The following WDR90 variants were observed in gnomAD, a reference collection of about 807,000 sequenced individuals.
The protein encoded by WDR90 is WD repeat-containing protein 90.
A neutral mutation model predicts 195.2 loss-of-function variants in WDR90; 238 were observed. The observed-to-expected ratio is 1.22, with a 90% CI of 1.10 to 1.36. WDR90 has a LOEUF of 1.36. Ranked by LOEUF, WDR90 falls within the 40% of genes most tolerant of loss-of-function variation. The pLI is 0.00. For synonymous variants in WDR90, 1,265 were observed against 1,052.4 expected, an observed-to-expected ratio of 1.20 and a Z score of -3.91; for missense variants, 2,734 against 2,439.5, an observed-to-expected ratio of 1.12 and a Z score of -2.54.
At chr16:663,005 G>T (rs748626085) in intron 34 of WDR90, 161 bp downstream of exon 34, 8 of 1,127,044 alleles carry the variant, frequency 7.1e-6, no homozygotes, top group African/African-American at 1.5e-5. Context: ...GGGTGTGCAC[G>T]TCCCCTCAAA....
In WDR90 at chr16:652,127, T is replaced by G. The variant is rs1475322574; in HGVS notation, c.1053+88T>G. On this transcript the variant is annotated intron_variant, in intron 9 of 40. Transcript: ENST00000293879. ...CGCCCCGAGATGCATTCAGAACGGA[T>G]GTGCCTCCAACGGTCTCCTCTTGTT... The G allele has an allele frequency of 3.5e-6, 5 of 1,419,496 alleles. No individual in the cohort carries two copies. In the Admixed American group the frequency reaches 8.1e-5, roughly 23 times the overall value. The allele number at this position is 1,419,496 out of a possible 1,614,324, so 87.9% of individuals were successfully genotyped here.
chr16:651,593 G>T (rs1211118895), intron 7 of WDR90, 51 bp from the exon 8 acceptor site: 5 of 1,569,038 alleles, frequency 3.2e-6, no homozygotes, highest in Non-Finnish European at 4.4e-6. Context: ...CCCTCACCAG[G>T]CATCTGCACA....
intron 15 of WDR90, 23 bp downstream of exon 15, chr16:655,491 G>A (rs749802825): frequency 7.8e-6 from 12 of 1,528,688 alleles, no homozygotes; most frequent in African/African-American, 2.7e-5. Flanking sequence ...CCTTCCCCAC[G>A]GCCTGCCCCG....
rs1283854566 is a variant in WDR90 at position 656,823 on chromosome 16, C to T, written c.2294C>T (p.Ala765Val). Residue 765 changes from alanine (A) to valine (V), a missense_variant, in exon 19 of 41, where the codon GCC (alanine) becomes GTC (valine). Ala to Val is a moderately conservative substitution (Grantham distance 64, BLOSUM62 0). Coordinates refer to ENST00000293879, the MANE Select transcript of WDR90 (RefSeq NM_145294.5). The stretch of plus-strand genomic sequence containing the variant: ...TTTTTCTGTGGCTTTAGCAGTGGGG[C>T]CGTGCGCTCCTTCAGCCTGGAGGCC... ...PTFFCGFSSG[A>V]VRSFSLEAAE... is the part of the protein sequence containing the mutation. 1 of 1,612,912 alleles carries T rather than the reference C, an allele frequency of 6.2e-7. No homozygotes were observed. The highest frequency in any genetic ancestry group is 8.5e-7 in the Non-Finnish European group (1 of 1,179,970).
intron 27 of WDR90, 45 bp downstream of exon 27, chr16:660,206 A>G: frequency 7.6e-6 from 11 of 1,450,086 alleles, no homozygotes; most frequent in Non-Finnish European, 9.2e-6. Context: ...CAGCAAGCAC[A>G]GAGGCCCCCC....
chr16:651,775 G>A lies in WDR90; in HGVS notation c.840+28G>A, dbSNP rs749675556. ...GAGTACCCCCTTCGCCCTATGAGAT[G>A]GGGTTGGGGTGTGATGGCCCAGGAC... On this transcript the variant is annotated intron_variant, in intron 8 of 40. Transcript: ENST00000293879. The A allele has an allele frequency of 3.1e-6, 5 of 1,612,740 alleles. No individual in the cohort carries two copies. In the Middle Eastern group the frequency reaches 8.3e-4, roughly 266 times the overall value.
chr16:652,085 T>A lies in WDR90; in HGVS notation c.1053+46T>A, dbSNP rs755813647. ...AGGCGGGGCCTGGTGAGGTGTGGGC[T>A]GGGGCAGCTGGTAGCCCGCCCCGAG... On this transcript the variant is annotated intron_variant, in intron 9 of 40. Coordinates refer to ENST00000293879, the MANE Select transcript of WDR90 (RefSeq NM_145294.5). 12 of 1,535,504 alleles carry A rather than the reference T, an allele frequency of 7.8e-6. No homozygotes were observed. The South Asian group carries it at 1.2e-4, about 15-fold the overall frequency.
chr16:666,824 C>G, intron 39 of WDR90, 32 bp downstream of exon 39: 1 of 1,612,576 alleles, frequency 6.2e-7, no homozygotes, highest in Non-Finnish European at 8.5e-7. Flanking sequence ...TCACTGGGAG[C>G]CCCAGGGATC....
In WDR90 at chr16:651,234, C is replaced by T. The variant is rs773808845; in HGVS notation, c.704C>T (p.Pro235Leu). 61 of 1,613,160 alleles carry T rather than the reference C, an allele frequency of 3.8e-5. No homozygotes were observed. The Middle Eastern group carries it at 4.6e-3, about 122-fold the overall frequency. The change falls in exon 7 of 41, where the codon CCG (proline) becomes CTG (leucine). Residue 235 changes from proline to leucine, a missense_variant. Physicochemically the swap from Pro to Leu is moderately conservative, Grantham distance 98 (BLOSUM62 -3). Transcript: ENST00000293879. ...PSESLKVPSK[P>L]IEKSCSPPEA... ...GAGAGCTTGAAAGTGCCTTCCAAGC[C>T]GATTGAGAAGAGCTGTTCCCCTCCT...
chr16:662,590 A>G lies in WDR90; in HGVS notation c.4146-89A>G. The G allele has an allele frequency of 5.4e-6, 8 of 1,484,254 alleles. No individual in the cohort carries two copies. In the South Asian group the frequency reaches 9.5e-5, roughly 18 times the overall value. 91.9% of individuals were successfully genotyped at this position (1,484,254 alleles called of 1,614,324 possible). The stretch of plus-strand genomic sequence containing the variant: ...AGCCAGGTCCTGAGATGCAATGCTG[A>G]GGGCCCTGCCTCGGCTGGGGACCCA... On this transcript the variant is annotated intron_variant, in intron 33 of 40. Coordinates refer to ENST00000293879, the MANE Select transcript of WDR90 (RefSeq NM_145294.5).
At chr16:657,931 C>A in intron 21 of WDR90, 39 bp downstream of exon 21, 1 of 1,509,798 alleles carries the variant, frequency 6.6e-7, no homozygotes, top group Non-Finnish European at 8.9e-7. Context: ...GAGACTGGGC[C>A]ATGAGAGGCT....
At position 653,616 on chromosome 16, in the gene WDR90, C is replaced by T. The variant is rs755409506; in HGVS notation, c.1325C>T (p.Thr442Ile). 1 of 1,613,526 alleles carries T rather than the reference C, an allele frequency of 6.2e-7. No individual in the cohort carries two copies. The highest frequency in any genetic ancestry group is 1.1e-5 in the South Asian group (1 of 91,090). Residue 442 changes from threonine to isoleucine, a missense_variant, in exon 12 of 41, where the codon ACC becomes ATC. Thr to Ile is a moderately conservative substitution (Grantham distance 89). Transcript: ENST00000293879. ...GTGATGCGGCTCTGGGACTTCCAGACCGGGCGGTGCTTGTGCCTGTTCCGG... is the reference window on the plus strand; with the variant it reads ...GTGATGCGGCTCTGGGACTTCCAGATCGGGCGGTGCTTGTGCCTGTTCCGG... ...PSVMRLWDFQTGRCLCLFRSP... is the reference protein window; with the variant it reads ...PSVMRLWDFQIGRCLCLFRSP...
At chr16:659,147 G>A (rs758684171) in intron 25 of WDR90, 21 bp downstream of exon 25, 2 of 1,610,976 alleles carry the variant, frequency 1.2e-6, no homozygotes, top group Non-Finnish European at 1.7e-6. Flanking sequence ...GTGCTCAGCT[G>A]GGGTGCAGGT....
Position 652,040 on chromosome 16 carries a change from G to A in WDR90, c.1053+1G>A. On this transcript the variant is annotated splice_donor_variant, in intron 9 of 40. Transcript: ENST00000293879. LOFTEE classifies it high-confidence loss of function. ...CGTGGCCCGCACCGGCTCCTGCGAA[G>A]TGAGTGCCCATCCCACAGCAGGCGG... 1 of 1,590,016 alleles carries A rather than the reference G, an allele frequency of 6.3e-7. No homozygotes were observed. Among genetic ancestry groups the A allele is most frequent in the African/African-American group, 1.3e-5 (1 of 74,686 alleles).
At chr16:649,124 C>T, upstream of WDR90, 1 of 359,940 alleles carries the variant, frequency 2.8e-6, no homozygotes, top group Non-Finnish European at 5.0e-6. Context: ...CAGGTGGGCG[C>T]GGCGGAGGAT....
intron 17 of WDR90, 104 bp from the exon 18 acceptor site, chr16:656,198 G>T: frequency 9.1e-7 from 1 of 1,102,552 alleles, no homozygotes; most frequent in South Asian, 1.5e-5. Context: ...CTGGGACTTT[G>T]AGCAGCAGGG....
At chr16:660,964 C>A (rs1297969698) in intron 28 of WDR90, 87 bp from the exon 29 acceptor site, 6 of 385,596 alleles carry the variant, frequency 1.6e-5, no homozygotes, top group Non-Finnish European at 1.3e-5. Context: ...GGCCCAGGCC[C>A]CGCCCCCTGT....
intron 6 of WDR90, 30 bp from the exon 7 acceptor site, chr16:651,169 C>G: frequency 6.2e-7 from 1 of 1,613,248 alleles, no homozygotes; most frequent in African/African-American, 1.3e-5. Context: ...CTTGGGCCCC[C>G]AGACACTGAC....
intron 40 of WDR90, 95 bp downstream of exon 40, chr16:667,084 C>G (rs2038099646): frequency 1.5e-6 from 2 of 1,326,406 alleles, no homozygotes; most frequent in Non-Finnish European, 2.1e-6. Context: ...CACCTGTGCC[C>G]CGGGCTCCTC....
Sources: allele counts gnomAD v4.1 joint callset, GRCh38; gene constraint gnomAD v4.1.1; transcripts MANE v1.5; gene names NCBI Gene and HGNC (gene_info 2026-07-23, HGNC 2026-07-21).